The following EYS variants were observed in gnomAD, a reference collection of about 807,000 sequenced individuals.
EYS encodes EGF-like photoreceptor maintenance factor.
A neutral mutation model predicts 282.1 loss-of-function variants in EYS; 250 were observed. That is an observed-to-expected ratio of 0.89 (90% CI 0.80 to 0.98). EYS has a LOEUF of 0.98. Ranked by LOEUF, EYS falls within the 50% of genes least tolerant of loss-of-function variation. The probability of loss-of-function intolerance (pLI) is 0.00; values close to 1 mark genes in which losing one functional copy is unlikely to be tolerated. For missense variants in EYS, 4,016 were observed against 3,709.0 expected (o/e 1.08, Z -2.15); for synonymous variants, 1,355 against 1,282.9 (o/e 1.06, Z -1.20).
intron 12 of EYS, among the ~76,000 whole-genome samples, chr6:65,069,368 G>A (rs573412273): frequency 2.0e-5 from 3 of 151,734 alleles, no homozygotes; most frequent in Non-Finnish European, 2.9e-5. Flanking sequence ...ATTTCCTTAA[G>A]TCAACTCAAT....
intron 12 of EYS, among the ~76,000 whole-genome samples, chr6:65,114,699 C>T (rs1443123407): frequency 2.0e-5 from 3 of 151,866 alleles, no homozygotes; most frequent in African/African-American, 7.2e-5. Flanking sequence ...ATTTATCCCT[C>T]TTTGATGACA....
chr6:64,252,889 A>AT (rs1767267908), intron 30 of EYS, among the ~76,000 whole-genome samples: 1 of 152,112 alleles, frequency 6.6e-6, no homozygotes, highest in African/African-American at 2.4e-5. Context: ...AACTTCAGTG[A>AT]TTTTATCTAT....
chr6:64,066,385 A>G lies in EYS; in HGVS notation c.6678T>C (p.Ser2226=). The change falls in exon 33 of 43, where the codon TCT becomes TCC. Residue 2226 remains serine, a synonymous_variant. Coordinates refer to ENST00000503581, the MANE Select transcript of EYS (RefSeq NM_001142800.2). The part of the protein sequence containing the change: ...CGNSQNILTV[S]ANYSINTNAF... Reference sequence around the variant, plus strand: ...CATTTGTGTTAATGCTGTAATTAGCAGAAACAGTCAAAATATTTTGAGAAT... The same window carrying G: ...CATTTGTGTTAATGCTGTAATTAGCGGAAACAGTCAAAATATTTTGAGAAT... 1 of 1,551,730 alleles carries G rather than the reference A, an allele frequency of 6.4e-7. No homozygotes were observed. The highest frequency in any genetic ancestry group is 8.7e-7 in the Non-Finnish European group (1 of 1,146,802).
intron 32 of EYS, among the ~76,000 whole-genome samples, chr6:64,076,947 T>C (rs1771793270): frequency 1.3e-5 from 2 of 152,012 alleles, no homozygotes; most frequent in Non-Finnish European, 2.9e-5. Context: ...TAGGGATATA[T>C]AGACCATCAC....
At chr6:65,472,736 C>T (rs947836977) in intron 5 of EYS, among the ~76,000 whole-genome samples, 3 of 151,978 alleles carry the variant, frequency 2.0e-5, no homozygotes, top group Admixed American at 6.6e-5. Context: ...GCCATCACTC[C>T]ATCTCATTAA....
chr6:64,379,078 T>C (rs1772659121), intron 29 of EYS, among the ~76,000 whole-genome samples: 1 of 152,158 alleles, frequency 6.6e-6, no homozygotes, highest in Non-Finnish European at 1.5e-5. Context: ...ATGCTGAAAA[T>C]TCTCTAAATT....
At chr6:65,431,260 A>G (rs1395572310) in intron 5 of EYS, among the ~76,000 whole-genome samples, 1 of 152,190 alleles carries the variant, frequency 6.6e-6, no homozygotes, top group East Asian at 1.9e-4. Flanking sequence ...CTTTTGAGAA[A>G]CACCTTTTCC....
At chr6:65,104,029 T>C (rs1394387258) in intron 12 of EYS, among the ~76,000 whole-genome samples, 1 of 151,428 alleles carries the variant, frequency 6.6e-6, no homozygotes, top group African/African-American at 2.4e-5. Flanking sequence ...AAGTTCAGTG[T>C]TTCTCAAACT....
intron 2 of EYS, among the ~76,000 whole-genome samples, chr6:65,512,782 T>A (rs988971875): frequency 6.6e-6 from 1 of 151,736 alleles, no homozygotes; most frequent in African/African-American, 2.4e-5. Flanking sequence ...TGGGACACAT[T>A]CAAAGCAGTG....
At chr6:65,151,529 G>C (rs1441700489) in intron 12 of EYS, among the ~76,000 whole-genome samples, 1 of 151,954 alleles carries the variant, frequency 6.6e-6, no homozygotes, top group African/African-American at 2.4e-5. Context: ...GATTCTTGAA[G>C]AAAATTGCAT....
At chr6:63,914,733 A>AAT (rs796463777) in intron 35 of EYS, among the ~76,000 whole-genome samples, 4 of 148,902 alleles carry the variant, frequency 2.7e-5, no homozygotes, top group South Asian at 4.2e-4. Context: ...AAAAAAAAAA[A>AAT]GCAAAACAAC....
intron 1 of EYS, among the ~76,000 whole-genome samples, chr6:65,642,118 A>C (rs1250599684): frequency 1.3e-5 from 2 of 152,178 alleles, no homozygotes; most frequent in African/African-American, 2.4e-5. Flanking sequence ...AGAGGTACTC[A>C]ATACATATTT....
intron 29 of EYS, among the ~76,000 whole-genome samples, chr6:64,340,419 C>G (rs1399204869): frequency 1.3e-5 from 2 of 151,708 alleles, no homozygotes; most frequent in Non-Finnish European, 2.9e-5. Context: ...TAAAGCTTCA[C>G]ACCTACAACC....
chr6:65,011,914 C>T (rs996206424), intron 13 of EYS, among the ~76,000 whole-genome samples: 22 of 152,114 alleles, frequency 1.4e-4, no homozygotes, highest in Admixed American at 5.2e-4. Flanking sequence ...CCCTTTGGGT[C>T]GCCTCCCTTT....
intron 1 of EYS, among the ~76,000 whole-genome samples, chr6:65,688,234 G>C (rs951341143): frequency 9.9e-5 from 15 of 151,974 alleles, no homozygotes; most frequent in Admixed American, 1.3e-4. Context: ...CCAAAACAGA[G>C]ATATAGACTA....
Position 64,440,537 on chromosome 6 carries a change from A to C in EYS, c.5645-1185T>G, listed in dbSNP as rs548878536. ...GTGAAGGACAAGTTAATGACTGAAA[A>C]AATAACAATGTCCTTTCAATTTTGA... On this transcript the variant is annotated intron_variant, in intron 26 of 42. Coordinates refer to ENST00000503581, the MANE Select transcript of EYS (RefSeq NM_001142800.2). Among the ~76,000 whole-genome samples the C allele has an allele frequency of 3.3e-5, 5 of 152,232 alleles. No homozygotes were observed. The East Asian group carries it at 9.6e-4, about 29-fold the overall frequency.
chr6:63,929,559 T>G lies in EYS; in HGVS notation c.7055+54824A>C, dbSNP rs114116686. On this transcript the variant is annotated intron_variant, in intron 35 of 42. Coordinates refer to ENST00000503581, the MANE Select transcript of EYS (RefSeq NM_001142800.2). ...AATTTGGAATTATTTTAGCATGGCTTGAAATCTTAAAACTACAGACTGCAC... is the reference window on the plus strand; with the variant it reads ...AATTTGGAATTATTTTAGCATGGCTGGAAATCTTAAAACTACAGACTGCAC... Among the ~76,000 whole-genome samples, 1,391 of 152,320 alleles carry G rather than the reference T, an allele frequency of 9.1e-3. 7 individuals carry two copies. The highest frequency in any genetic ancestry group is 0.014 in the Non-Finnish European group (933 of 68,018).
At chr6:64,625,262 C>T (rs1437316906) in intron 23 of EYS, among the ~76,000 whole-genome samples, 2 of 151,946 alleles carry the variant, frequency 1.3e-5, no homozygotes, top group Non-Finnish European at 2.9e-5. Flanking sequence ...CAATATAGAC[C>T]TAAAAGGAAT....
intron 22 of EYS, among the ~76,000 whole-genome samples, chr6:64,658,272 T>G (rs1413995123): frequency 2.0e-5 from 3 of 151,362 alleles, no homozygotes; most frequent in Admixed American, 6.6e-5. Context: ...TTTTTCAAGG[T>G]TTTTAACTTC....
Sources: allele counts gnomAD v4.1 joint callset (sites outside exome capture counted in the v4.1 genomes callset), GRCh38; gene constraint gnomAD v4.1.1; transcripts MANE v1.5; gene names NCBI Gene and HGNC (gene_info 2026-07-23, HGNC 2026-07-21).